PDE4B: variants seen among roughly 807,000 people sequenced by gnomAD.
PDE4B encodes the protein 3',5'-cyclic-AMP phosphodiesterase 4B.
PDE4B carries 20 observed loss-of-function variants against 82.2 expected under a neutral mutation model. That is an observed-to-expected ratio of 0.24 (90% confidence interval 0.17 to 0.35). The LOEUF (loss-of-function observed/expected upper bound fraction) is 0.35, where lower values mean the gene tolerates loss of function less well. PDE4B is among the 10% of genes least tolerant of loss of function. The probability of loss-of-function intolerance (pLI) is 1.00; values close to 1 mark genes in which losing one functional copy is unlikely to be tolerated. For missense variants in PDE4B, 655 were observed against 907.2 expected (o/e 0.72, Z 3.57); for synonymous variants, 320 against 318.9 (o/e 1.00, Z -0.04).
At chr1:65,927,297 A>C (rs1647555675) in intron 3 of PDE4B, among the ~76,000 whole-genome samples, 1 of 151,466 alleles carries the variant, frequency 6.6e-6, no homozygotes, top group Non-Finnish European at 1.5e-5. Flanking sequence ...GTTATAGTAT[A>C]GGGGTAAGGG....
intron 1 of PDE4B, among the ~76,000 whole-genome samples, chr1:65,798,018 A>G (rs1645650466): frequency 6.6e-6 from 1 of 151,622 alleles, no homozygotes; most frequent in African/African-American, 2.4e-5. Context: ...AAATTTATTT[A>G]TTTATTTATT....
chr1:66,058,313 A>G (rs1655409706), intron 3 of PDE4B, among the ~76,000 whole-genome samples: 1 of 152,152 alleles, frequency 6.6e-6, no homozygotes, highest in Non-Finnish European at 1.5e-5. Flanking sequence ...ATGGGTTAGC[A>G]TTGAGTGTCT....
At chr1:66,282,758 T>G (rs1011651780) in intron 7 of PDE4B, among the ~76,000 whole-genome samples, 3 of 152,128 alleles carry the variant, frequency 2.0e-5, no homozygotes, top group Non-Finnish European at 2.9e-5. Context: ...AGTCTTTGAG[T>G]CTTAGAATTC....
chr1:65,829,530 A>G (rs191687937), intron 1 of PDE4B, among the ~76,000 whole-genome samples: 1 of 152,336 alleles, frequency 6.6e-6, no homozygotes, highest in Admixed American at 6.5e-5. Flanking sequence ...ACATTCACAA[A>G]GATAGACTAT....
intron 3 of PDE4B, among the ~76,000 whole-genome samples, chr1:66,096,541 T>TATATATATAC (rs1557558033): frequency 6.9e-6 from 1 of 144,636 alleles, no homozygotes; most frequent in Non-Finnish European, 1.5e-5. Context: ...TATATATATA[T>TATATATATAC]ACTGCATTTC....
intron 3 of PDE4B, among the ~76,000 whole-genome samples, chr1:66,055,094 G>A (rs556382399): frequency 1.5e-4 from 23 of 152,170 alleles, no homozygotes; most frequent in Non-Finnish European, 2.6e-4. Context: ...TTTGAAGGAA[G>A]ATTACATCTA....
chr1:66,035,218 T>C (rs930952796), intron 3 of PDE4B, among the ~76,000 whole-genome samples: 1 of 152,174 alleles, frequency 6.6e-6, no homozygotes, highest in African/African-American at 2.4e-5. Context: ...TAATTGTGTA[T>C]ATTTATGGGG....
intron 3 of PDE4B, among the ~76,000 whole-genome samples, chr1:65,948,558 G>A (rs1259957385): frequency 6.6e-6 from 1 of 151,872 alleles, no homozygotes; most frequent in Non-Finnish European, 1.5e-5. Flanking sequence ...CTGATTAGAT[G>A]GTGCCCATCC....
chr1:66,114,039 G>A (rs1482973908), intron 3 of PDE4B, among the ~76,000 whole-genome samples: 2 of 152,160 alleles, frequency 1.3e-5, no homozygotes, highest in African/African-American at 2.4e-5. Flanking sequence ...GTATTAAGGG[G>A]TGAGGCCTTT....
Position 65,963,053 on chromosome 1 carries a change from C to T in PDE4B, c.281+44218C>T, listed in dbSNP as rs143835844. Among the ~76,000 whole-genome samples, 207 of 152,266 alleles carry T rather than the reference C, an allele frequency of 1.4e-3. 1 individual carries two copies. Among genetic ancestry groups the T allele is most frequent in the Non-Finnish European group, 2.5e-3 (173 of 68,028 alleles). ...TACTCTCACCATAGCTGATTTCCAG[C>T]TACCAACTGGCTTGGAAAATTCCTG... On this transcript the variant is annotated intron_variant, in intron 3 of 16. Transcript: ENST00000341517.
At chr1:65,830,182 G>T (rs1321125743) in intron 1 of PDE4B, among the ~76,000 whole-genome samples, 1 of 152,074 alleles carries the variant, frequency 6.6e-6, no homozygotes, top group Non-Finnish European at 1.5e-5. Context: ...TAAATTATGT[G>T]GCACTGGGCT....
At chr1:66,245,649 C>T (rs947540014) in intron 3 of PDE4B, among the ~76,000 whole-genome samples, 7 of 152,242 alleles carry the variant, frequency 4.6e-5, no homozygotes, top group Non-Finnish European at 2.9e-5. Flanking sequence ...TGTCCACCTG[C>T]CTGTCTGCCT....
intron 3 of PDE4B, among the ~76,000 whole-genome samples, chr1:66,093,796 A>G (rs1645066913): frequency 6.6e-6 from 1 of 152,090 alleles, no homozygotes; most frequent in South Asian, 2.1e-4. Flanking sequence ...TATTTGACGT[A>G]TTCAATTCTG....
At chr1:66,172,247 C>A (rs750953522) in intron 3 of PDE4B, among the ~76,000 whole-genome samples, 1 of 152,184 alleles carries the variant, frequency 6.6e-6, no homozygotes, top group Non-Finnish European at 1.5e-5. Context: ...TGATGGCCTC[C>A]AGCTGCATCC....
At chr1:66,366,981 G>A (rs1663301630) in intron 13 of PDE4B, among the ~76,000 whole-genome samples, 1 of 152,198 alleles carries the variant, frequency 6.6e-6, no homozygotes, top group African/African-American at 2.4e-5. Flanking sequence ...GGTTTCATAA[G>A]TCTGATGACC....
intron 3 of PDE4B, among the ~76,000 whole-genome samples, chr1:66,150,140 G>C (rs1646362265): frequency 6.6e-6 from 1 of 152,028 alleles, no homozygotes; most frequent in Non-Finnish European, 1.5e-5. Flanking sequence ...GTATCACACT[G>C]TCTTATAACT....
chr1:66,047,509 T>C (rs1361300378), intron 3 of PDE4B, among the ~76,000 whole-genome samples: 1 of 151,862 alleles, frequency 6.6e-6, no homozygotes, highest in African/African-American at 2.4e-5. Context: ...CTATACCAGG[T>C]ATGCTGAGCT....
At chr1:65,866,434 T>G (rs758861188) in intron 1 of PDE4B, among the ~76,000 whole-genome samples, 26 of 152,010 alleles carry the variant, frequency 1.7e-4, no homozygotes, top group Non-Finnish European at 3.2e-4. Context: ...CCCAGAAACT[T>G]TTAAAAAAAT....
intron 3 of PDE4B, among the ~76,000 whole-genome samples, chr1:66,052,985 T>G (rs1655120499): frequency 6.6e-6 from 1 of 152,124 alleles, no homozygotes; most frequent in Non-Finnish European, 1.5e-5. Context: ...TCATTAGGAG[T>G]TTTATAGTGT....
Sources: allele counts gnomAD v4.1 joint callset (sites outside exome capture counted in the v4.1 genomes callset), GRCh38; gene constraint gnomAD v4.1.1; transcripts MANE v1.5; gene names NCBI Gene and HGNC (gene_info 2026-07-23, HGNC 2026-07-21).